TET1: variants seen among roughly 807,000 people sequenced by gnomAD.
TET1 encodes tet methylcytosine dioxygenase 1, also known as methylcytosine dioxygenase TET1.
TET1 carries 13 observed loss-of-function variants against 148.7 expected under a neutral mutation model. The ratio of observed to expected loss-of-function variants is 0.09; its 90% confidence interval spans 0.06 to 0.14. TET1 has a LOEUF of 0.14. Ranked by LOEUF, TET1 falls within the 10% of genes least tolerant of loss-of-function variation. The probability of loss-of-function intolerance (pLI) is 1.00; values close to 1 mark genes in which losing one functional copy is unlikely to be tolerated. For missense variants in TET1, 2,182 were observed against 2,553.8 expected, an observed-to-expected ratio of 0.85 and a Z score of 3.14; for synonymous variants, 907 against 937.2, an observed-to-expected ratio of 0.97 and a Z score of 0.59.
intron 2 of TET1, among the ~76,000 whole-genome samples, chr10:68,595,780 G>A (rs2053971442): frequency 6.8e-6 from 1 of 147,586 alleles, no homozygotes; most frequent in Non-Finnish European, 1.5e-5. Flanking sequence ...ACCAGGTCTG[G>A]CTAATTTTTG....
At chr10:68,584,115 C>T (rs934084758) in intron 2 of TET1, among the ~76,000 whole-genome samples, 1 of 151,370 alleles carries the variant, frequency 6.6e-6, no homozygotes, top group Non-Finnish European at 1.5e-5. Context: ...TCTCGGCTCA[C>T]TGCAACCTCC....
intron 6 of TET1, among the ~76,000 whole-genome samples, chr10:68,661,438 T>TA (rs5785867): frequency 0.18 from 27,510 of 151,564 alleles, 3,100 homozygotes; most frequent in African/African-American, 0.31. Context: ...ATCCTGTGCT[T>TA]AGAGATTATA....
intron 11 of TET1, 151 bp from the exon 12 acceptor site, chr10:68,690,657 G>A (rs2055577668): frequency 7.2e-6 from 4 of 555,622 alleles, no homozygotes; most frequent in Non-Finnish European, 8.6e-6. Flanking sequence ...ATTCGTGTTT[G>A]TGATTTGAAA....
chr10:68,650,414 G>A (rs1294435994), intron 4 of TET1, among the ~76,000 whole-genome samples: 5 of 151,938 alleles, frequency 3.3e-5, no homozygotes, highest in Non-Finnish European at 5.9e-5. Context: ...AGGGGGAGGC[G>A]GGTGGGTCAC....
At position 68,572,929 on chromosome 10, in the gene TET1, G is replaced by A; in HGVS notation, c.591G>A (p.Glu197=). 6.2e-7 allele frequency: 1 copy of A among 1,614,106 alleles called. No homozygotes were observed. Among genetic ancestry groups the A allele is most frequent in the South Asian group, 1.1e-5 (1 of 91,068 alleles). The change falls in exon 2 of 12, where the codon GAG becomes GAA. Residue 197 remains glutamate, a synonymous_variant. Coordinates refer to ENST00000373644, the MANE Select transcript of TET1 (RefSeq NM_030625.3). ...CTCAGTTTTGGTCCCAAAGAGTTGA[G>A]GATTCCAAGATCAATATCCCTACCC... ...ETTQFWSQRV[E]DSKINIPTHS...
intron 2 of TET1, 144 bp from the exon 3 acceptor site, chr10:68,600,837 C>T (rs1353180725): frequency 1.5e-6 from 1 of 672,894 alleles, no homozygotes; most frequent in Non-Finnish European, 2.6e-6. Flanking sequence ...TTTACATAAG[C>T]TCTTTAGGTT....
At chr10:68,615,360 T>C (rs374450490) in intron 3 of TET1, among the ~76,000 whole-genome samples, 3 of 139,352 alleles carry the variant, frequency 2.2e-5, no homozygotes, top group Admixed American at 2.0e-4. Context: ...TCTTTTCTTT[T>C]TTTGAGATGG....
At chr10:68,619,257 GTC>G (rs2054336487) in intron 3 of TET1, among the ~76,000 whole-genome samples, 1 of 151,990 alleles carries the variant, frequency 6.6e-6, no homozygotes, top group Non-Finnish European at 1.5e-5. Flanking sequence ...TTGAGCCAGA[GTC>G]TCTATCACCC....
At chr10:68,568,995 C>T (rs2053636638) in intron 1 of TET1, among the ~76,000 whole-genome samples, 1 of 152,108 alleles carries the variant, frequency 6.6e-6, no homozygotes, top group African/African-American at 2.4e-5. Flanking sequence ...TTAGACATAG[C>T]AGGTACTCAA....
rs1039140376 is a variant in TET1, at chr10:68,691,090, C to T, written c.5687C>T (p.Ala1896Val). Residue 1896 changes from alanine (A) to valine (V), a missense_variant, in exon 12 of 12, where the codon GCT becomes GTT. Transcript: ENST00000373644. This position sits in a 1 kb window ranked among gnomAD's most constrained non-coding sequence, Gnocchi z 4.4. ...CTCAGTGGTGCCAATGCAGCTGCTG[C>T]TGATGGCCCTGGCATTTCACAGCTT... ...GRLSGANAAA[A>V]DGPGISQLGE... 3 of 1,614,230 alleles carry T rather than the reference C, an allele frequency of 1.9e-6. No homozygotes were observed. Among genetic ancestry groups the T allele is most frequent in the Admixed American group, 1.7e-5 (1 of 60,030 alleles).
intron 2 of TET1, among the ~76,000 whole-genome samples, chr10:68,576,342 C>T (rs557660315): frequency 7.7e-6 from 1 of 130,340 alleles, no homozygotes; most frequent in East Asian, 2.3e-4. Flanking sequence ...CAGAGAGACC[C>T]TGTCTCAAAA....
intron 6 of TET1, 50 bp downstream of exon 6, chr10:68,652,644 T>A (rs1468403879): frequency 7.1e-6 from 9 of 1,259,818 alleles, no homozygotes; most frequent in Non-Finnish European, 1.0e-5. Flanking sequence ...ATTCCAGAGC[T>A]GATATTTATA....
At chr10:68,673,960 C>CTTTTTTT (rs869073350) in intron 8 of TET1, among the ~76,000 whole-genome samples, 43 of 72,378 alleles carry the variant, frequency 5.9e-4, no homozygotes, top group Non-Finnish European at 6.7e-4. Flanking sequence ...TTTTCTTTTT[C>CTTTTTTT]TTTTTTTTTT....
In TET1 at chr10:68,588,861, G is replaced by A. The variant is rs562001231; in HGVS notation, c.1915-12120G>A. Among the ~76,000 whole-genome samples the A allele has an allele frequency of 5.8e-4, 88 of 151,098 alleles. No individual in the cohort carries two copies. The East Asian group carries it at 0.014, about 24-fold the overall frequency. The stretch of plus-strand genomic sequence containing the variant: ...TGTTGGCTGGGTGTGGTGGCTCACA[G>A]CTGTAATCCCAGCACTTTGGGAGGC... On this transcript the variant is annotated intron_variant, in intron 2 of 11. Coordinates refer to ENST00000373644, the MANE Select transcript of TET1 (RefSeq NM_030625.3).
At chr10:68,676,206 A>G (rs1343179216) in intron 8 of TET1, among the ~76,000 whole-genome samples, 1 of 106,954 alleles carries the variant, frequency 9.3e-6, no homozygotes, top group Non-Finnish European at 2.0e-5. Context: ...ATATATATGT[A>G]TATATATACA....
intron 6 of TET1, among the ~76,000 whole-genome samples, chr10:68,662,026 C>T (rs2055127189): frequency 6.6e-6 from 1 of 151,904 alleles, no homozygotes; most frequent in East Asian, 1.9e-4. Context: ...CAAGTTGCAC[C>T]ACCACACTCG....
intron 10 of TET1, 125 bp from the exon 11 acceptor site, chr10:68,686,231 C>A: frequency 1.3e-6 from 1 of 781,128 alleles, no homozygotes; most frequent in Non-Finnish European, 2.0e-6. Flanking sequence ...CCATCAGCAA[C>A]CAATTGAAAA....
chr10:68,608,450 T>C (rs2054157728), intron 3 of TET1, among the ~76,000 whole-genome samples: 1 of 151,800 alleles, frequency 6.6e-6, no homozygotes, highest in African/African-American at 2.4e-5. Flanking sequence ...TTAGCCAGGC[T>C]GGTCTCGTAC....
chr10:68,638,955 C>T (rs79556408), intron 3 of TET1, among the ~76,000 whole-genome samples: 87 of 152,224 alleles, frequency 5.7e-4, no homozygotes, highest in African/African-American at 2.0e-3. Flanking sequence ...GTAGGAACTA[C>T]TAGACCCAGA....
Sources: allele counts gnomAD v4.1 joint callset (sites outside exome capture counted in the v4.1 genomes callset), GRCh38; gene constraint gnomAD v4.1.1; non-coding constraint Gnocchi (gnomAD v3.1); transcripts MANE v1.5; gene names NCBI Gene and HGNC (gene_info 2026-07-23, HGNC 2026-07-21).